The following RNF32 variants were observed in gnomAD, a reference collection of about 807,000 sequenced individuals.
The protein encoded by RNF32 is ring finger protein 32.
RNF32 carries 36 observed loss-of-function variants against 41.0 expected under a neutral mutation model. The ratio of observed to expected loss-of-function variants is 0.88; its 90% CI spans 0.67 to 1.16. The LOEUF (loss-of-function observed/expected upper bound fraction) is 1.16, where lower values mean the gene tolerates loss of function less well. Among genes scored for constraint, RNF32 ranks in the 50% most tolerant of loss-of-function variants. RNF32 has a pLI of 0.00. For missense variants in RNF32, 413 were observed against 436.7 expected (o/e 0.95, Z 0.48); for synonymous variants, 154 against 160.9 (o/e 0.96, Z 0.32).
chr7:156,659,244 C>T (rs1202887855), intron 7 of RNF32: 4 of 1,067,394 alleles, frequency 3.7e-6, no homozygotes, highest in Non-Finnish European at 4.5e-6. Context: ...CTGAGAAGAG[C>T]TGTAGCATTT....
At chr7:156,668,644 C>T (rs761135740) in intron 7 of RNF32, among the ~76,000 whole-genome samples, 17 of 152,248 alleles carry the variant, frequency 1.1e-4, no homozygotes, top group African/African-American at 2.7e-4. Flanking sequence ...TCCCTCACTC[C>T]GTGTCTCCCG....
At position 156,644,483 on chromosome 7, in the gene RNF32, T is replaced by G. The variant is rs758646290; in HGVS notation, c.16-16T>G. ...CATAATACTCCTCTAAATATGACTT[T>G]TTTCCTACTTTTTAGGGTCACTCAT... On this transcript the variant is annotated splice_polypyrimidine_tract_variant and intron_variant, in intron 2 of 8. Coordinates refer to ENST00000317955, the MANE Select transcript of RNF32 (RefSeq NM_030936.4). 5.0e-6 allele frequency: 8 copies of G among 1,597,194 alleles called. No homozygotes were observed. The highest frequency in any genetic ancestry group is 5.1e-6 in the Non-Finnish European group (6 of 1,169,250).
At chr7:156,655,309 G>A (rs1270917583) in intron 4 of RNF32, among the ~76,000 whole-genome samples, 1 of 149,544 alleles carries the variant, frequency 6.7e-6, no homozygotes, top group Non-Finnish European at 1.5e-5. Context: ...GAGAGAGAGA[G>A]AATGCATATA....
chr7:156,675,867 G>C lies in RNF32; in HGVS notation c.852+4G>C. On this transcript the variant is annotated splice_donor_region_variant and intron_variant, in intron 8 of 8. Transcript: ENST00000317955. ...ATGGGAGAAAATCCAAGTGCAGGTA[G>C]GTTTGGCTGGCAGCCTGGCAACCAG... is the stretch of plus-strand genomic sequence containing the variant. 6.2e-7 allele frequency: 1 copy of C among 1,610,188 alleles called. No homozygotes were observed.
At chr7:156,668,103 G>C (rs1377640813) in intron 7 of RNF32, among the ~76,000 whole-genome samples, 3 of 152,150 alleles carry the variant, frequency 2.0e-5, no homozygotes, top group African/African-American at 7.2e-5. Context: ...AATGCTAAGG[G>C]CCTTACAAAG....
At chr7:156,646,332 C>G in intron 3 of RNF32, 1 of 1,031,650 alleles carries the variant, frequency 9.7e-7, no homozygotes, top group Non-Finnish European at 1.3e-6. Flanking sequence ...CCTAACTTAC[C>G]TTTCCCTGGT....
At position 156,676,616 on chromosome 7, in the gene RNF32, C is replaced by A; in HGVS notation, c.1050C>A (p.Leu350=). The A allele has an allele frequency of 6.2e-7, 1 of 1,614,130 alleles. No homozygotes were observed. Among genetic ancestry groups the A allele is most frequent in the Non-Finnish European group, 8.5e-7 (1 of 1,179,956 alleles). Residue 350 remains leucine (L), a synonymous_variant, in exon 9 of 9, where the codon CTC becomes CTA. Coordinates refer to ENST00000317955, the MANE Select transcript of RNF32 (RefSeq NM_030936.4). The part of the protein sequence containing the change: ...GDRPPFHACP[L]CRSCYQKKIL... ...GGCCTCCTTTCCATGCCTGTCCTCT[C>A]TGCCGCTCCTGCTACCAGAAGAAGA...
At chr7:156,673,906 T>TAAAAAAAAAAAA (rs3030984) in intron 7 of RNF32, among the ~76,000 whole-genome samples, 1 of 100,816 alleles carries the variant, frequency 9.9e-6, no homozygotes, top group African/African-American at 4.2e-5. Context: ...TCCACATTAA[T>TAAAAAAAAAAAA]AAAAAAAAAA....
rs997622587 is a variant in RNF32, at chr7:156,669,357, A to G, written c.685-6339A>G. ...AATAAGTGCCAGGAAGAAAAATGCAAAGAGAGGAAGGGGAGAGAGAGTGAA... is the reference window on the plus strand; with the variant it reads ...AATAAGTGCCAGGAAGAAAAATGCAGAGAGAGGAAGGGGAGAGAGAGTGAA... On this transcript the variant is annotated intron_variant, in intron 7 of 8. Coordinates refer to ENST00000317955, the MANE Select transcript of RNF32 (RefSeq NM_030936.4). This position sits in a 1 kb window ranked among gnomAD's most constrained non-coding sequence, Gnocchi z 4.2. The G allele has an allele frequency of 6.6e-5, 10 of 152,242 alleles. No individual in the cohort carries two copies. The highest frequency in any genetic ancestry group is 1.9e-4 in the African/African-American group (8 of 41,454). The allele number at this position is 152,242 out of a possible 1,614,324, so 9.4% of individuals were successfully genotyped here.
intron 7 of RNF32, among the ~76,000 whole-genome samples, chr7:156,675,456 GTGCC>G (rs1425917667): frequency 6.6e-6 from 1 of 152,170 alleles, no homozygotes; most frequent in Non-Finnish European, 1.5e-5. Context: ...GTATGCCAAG[GTGCC>G]GTATTTTGGG....
Position 156,673,548 on chromosome 7 carries a change from C to T in RNF32, c.685-2148C>T, listed in dbSNP as rs547711882. ...ATTCAGAGTGAAAGAGAATTTGACT[C>T]ATAAATAGAAAAGCAGCTTCCACCA... On this transcript the variant is annotated intron_variant, in intron 7 of 8. Transcript: ENST00000317955. Among the ~76,000 whole-genome samples, 5 of 152,274 alleles carry T rather than the reference C, an allele frequency of 3.3e-5. No homozygotes were observed. The East Asian group carries it at 7.7e-4, about 24-fold the overall frequency.
At chr7:156,645,123 A>G (rs1197727236) in intron 3 of RNF32, among the ~76,000 whole-genome samples, 1 of 152,248 alleles carries the variant, frequency 6.6e-6, no homozygotes, top group Non-Finnish European at 1.5e-5. Context: ...TTTGGCAAAC[A>G]CCACAGTAAT....
At chr7:156,645,633 ATG>A (rs945182576) in intron 3 of RNF32, among the ~76,000 whole-genome samples, 2 of 152,266 alleles carry the variant, frequency 1.3e-5, no homozygotes, top group Non-Finnish European at 2.9e-5. Context: ...TGCAGAAGGC[ATG>A]TAGGCTAATT....
chr7:156,663,261 GTTAC>G (rs1800899297), intron 7 of RNF32, among the ~76,000 whole-genome samples: 1 of 152,158 alleles, frequency 6.6e-6, no homozygotes, highest in East Asian at 1.9e-4. Flanking sequence ...AGAAAACTAG[GTTAC>G]TTACTGTCAT....
intron 3 of RNF32, among the ~76,000 whole-genome samples, chr7:156,645,573 A>G (rs1313236460): frequency 6.6e-6 from 1 of 152,194 alleles, no homozygotes; most frequent in South Asian, 2.1e-4. Flanking sequence ...GTGATCCTGG[A>G]TCAGATCCTA....
intron 5 of RNF32, 66 bp from the exon 6 acceptor site, chr7:156,658,062 T>C (rs1237610200): frequency 4.1e-6 from 6 of 1,467,646 alleles, no homozygotes; most frequent in East Asian, 2.3e-5. Flanking sequence ...AACACTAACA[T>C]TGGAAGTAAA....
chr7:156,665,058 C>G (rs1801163897), intron 7 of RNF32, among the ~76,000 whole-genome samples: 1 of 152,160 alleles, frequency 6.6e-6, no homozygotes, highest in Non-Finnish European at 1.5e-5. Context: ...GTTCTCAACT[C>G]AGGCTTCATT....
rs947071531 is a variant in RNF32 at position 156,669,520 on chromosome 7, C to T, written c.685-6176C>T. Among the ~76,000 whole-genome samples, 1 of 152,122 alleles carries T rather than the reference C, an allele frequency of 6.6e-6. No individual in the cohort carries two copies. Among genetic ancestry groups the T allele is most frequent in the Admixed American group, 6.5e-5 (1 of 15,282 alleles). On this transcript the variant is annotated intron_variant, in intron 7 of 8. Transcript: ENST00000317955. The surrounding 1 kb of genome is among the most constrained non-coding windows in gnomAD (Gnocchi z 4.2). Reference sequence around the variant, plus strand: ...CGGCTTAGCATGTGGGAGGGGCAGGCTGGCAGAGTGTGAGCCGCTGGGCAC... The same window carrying T: ...CGGCTTAGCATGTGGGAGGGGCAGGTTGGCAGAGTGTGAGCCGCTGGGCAC...
chr7:156,658,774 T>C lies in RNF32; in HGVS notation c.684+204T>C, dbSNP rs1420190279. 1.4e-5 allele frequency: 13 copies of C among 928,178 alleles called. No individual in the cohort carries two copies. The Admixed American group carries it at 3.3e-4, about 24-fold the overall frequency. The allele number at this position is 928,178 out of a possible 1,614,324, so 57.5% of individuals were successfully genotyped here. A position where few individuals can be genotyped will look rare whatever the true frequency, so the allele number is the denominator to read the frequency against. On this transcript the variant is annotated intron_variant, in intron 7 of 8. Coordinates refer to ENST00000317955, the MANE Select transcript of RNF32 (RefSeq NM_030936.4). ...TGTTCAAATACTTCTAGACTTTCTT[T>C]TCTAGTTAAATCATAAAATTAGGTT...
Sources: allele counts gnomAD v4.1 joint callset (sites outside exome capture counted in the v4.1 genomes callset), GRCh38; gene constraint gnomAD v4.1.1; non-coding constraint Gnocchi (gnomAD v3.1); transcripts MANE v1.5; gene names NCBI Gene and HGNC (gene_info 2026-07-23, HGNC 2026-07-21).